PPFIA2: variants seen among roughly 807,000 people sequenced by gnomAD.
The protein encoded by PPFIA2 is PPFI scaffold protein A2.
In PPFIA2, 46 loss-of-function variants were observed where a neutral mutation model predicts 175.5. That is an observed-to-expected ratio of 0.26 (90% CI 0.21 to 0.34). The LOEUF (loss-of-function observed/expected upper bound fraction) is 0.34, where lower values mean the gene tolerates loss of function less well. PPFIA2 is among the 10% of genes least tolerant of loss of function. The probability of loss-of-function intolerance (pLI) is 1.00; values close to 1 mark genes in which losing one functional copy is unlikely to be tolerated. For missense variants in PPFIA2, 1,179 were observed against 1,506.1 expected (o/e 0.78, Z 3.60); for synonymous variants, 568 against 511.4 (o/e 1.11, Z -1.49).
rs376400399 is a variant in PPFIA2 at position 81,384,051 on chromosome 12, T to C, written c.956A>G (p.Asn319Ser). The stretch of plus-strand genomic sequence containing the variant: ...CCTAATGTCCCTTTGATACTTGGTG[T>C]TCATTTCTTCTGTTTTAATGAGATC... ...RKDLIKTEEMNTKYQRDIREA... is the reference protein window; with the variant it reads ...RKDLIKTEEMSTKYQRDIREA... Residue 319 changes from asparagine (N) to serine (S), a missense_variant, in exon 9 of 33, where the codon AAC becomes AGC. By Grantham distance (46) the Asn-to-Ser change is conservative. Around this residue, in one of 10 missense-constraint regions of PPFIA2, gnomAD observed 226 missense variants for 216.6 expected, o/e 1.04. Transcript: ENST00000549396. 1.9e-6 allele frequency: 3 copies of C among 1,612,568 alleles called. No individual in the cohort carries two copies. The highest frequency in any genetic ancestry group is 2.7e-5 in the African/African-American group (2 of 74,978).
intron 4 of PPFIA2, among the ~76,000 whole-genome samples, chr12:81,523,828 C>CA: frequency 6.6e-6 from 1 of 152,202 alleles, no homozygotes. Flanking sequence ...ACCTTGGTCA[C>CA]AGTCTTGCTT....
intron 4 of PPFIA2, among the ~76,000 whole-genome samples, chr12:81,638,739 G>A (rs1284537820): frequency 1.6e-5 from 2 of 126,974 alleles, no homozygotes; most frequent in East Asian, 4.5e-4. Context: ...CCAGGCTGGA[G>A]TGCAGTGGCG....
chr12:81,483,514 C>T (rs531484666), intron 4 of PPFIA2, among the ~76,000 whole-genome samples: 1 of 152,036 alleles, frequency 6.6e-6, no homozygotes, highest in South Asian at 2.1e-4. Flanking sequence ...CTGGTAGTTG[C>T]CAGGGCCTTG....
rs566787127 is a variant in PPFIA2, at chr12:81,718,105, A to G, written c.249+35868T>C. On this transcript the variant is annotated intron_variant, in intron 3 of 32. Coordinates refer to ENST00000549396, the MANE Select transcript of PPFIA2 (RefSeq NM_003625.5). ...TTAGAGAGATCTGGGCATAAAACTAACATCATCCACTACAGAAGGGTGACA... is the reference window on the plus strand; with the variant it reads ...TTAGAGAGATCTGGGCATAAAACTAGCATCATCCACTACAGAAGGGTGACA... 5.3e-5 allele frequency among the ~76,000 whole-genome samples: 8 copies of G among 151,716 alleles called. No homozygotes were observed. The East Asian group carries it at 1.6e-3, about 30-fold the overall frequency.
intron 21 of PPFIA2, among the ~76,000 whole-genome samples, chr12:81,334,867 A>G (rs920329917): frequency 2.0e-5 from 3 of 152,094 alleles, no homozygotes; most frequent in African/African-American, 7.2e-5. Flanking sequence ...AAATCATTTC[A>G]TGTCTGTTTT....
At chr12:81,602,030 T>C (rs894097445) in intron 4 of PPFIA2, among the ~76,000 whole-genome samples, 48 of 151,846 alleles carry the variant, frequency 3.2e-4, no homozygotes, top group African/African-American at 1.1e-3. Flanking sequence ...GTACTATCTT[T>C]CTATATTGTG....
chr12:81,645,460 C>T (rs181015673), intron 4 of PPFIA2, among the ~76,000 whole-genome samples: 2 of 152,108 alleles, frequency 1.3e-5, no homozygotes, highest in Admixed American at 1.3e-4. Context: ...GAATAATATG[C>T]ACCAATACTG....
intron 7 of PPFIA2, among the ~76,000 whole-genome samples, chr12:81,423,485 AT>A (rs1350779454): frequency 6.6e-6 from 1 of 152,160 alleles, no homozygotes; most frequent in Non-Finnish European, 1.5e-5. Flanking sequence ...CATCAGCAAA[AT>A]TTTTTAGAAA....
Position 81,347,639 on chromosome 12 carries a change from G to A in PPFIA2, c.2126C>T (p.Thr709Ile), listed in dbSNP as rs767942808. 6.2e-7 allele frequency: 1 copy of A among 1,613,794 alleles called. No homozygotes were observed. The highest frequency in any genetic ancestry group is 8.5e-7 in the Non-Finnish European group (1 of 1,179,780). ...HPGTSITASV[T>I]ASSLASSSPP... ...AGATGAACTGGCCAGCGATGAAGCTGTAACAGAGGCAGTAATGGAGGTACC... is the reference window on the plus strand; with the variant it reads ...AGATGAACTGGCCAGCGATGAAGCTATAACAGAGGCAGTAATGGAGGTACC... Residue 709 changes from threonine (T) to isoleucine (I), a missense_variant, in exon 18 of 33, where the codon ACA (threonine) becomes ATA (isoleucine). Transcript: ENST00000549396.
At chr12:81,310,666 T>G (rs149867927) in intron 22 of PPFIA2, among the ~76,000 whole-genome samples, 2 of 152,262 alleles carry the variant, frequency 1.3e-5, no homozygotes, top group African/African-American at 4.8e-5. Context: ...ATTTGTTATT[T>G]TCAAAAAGAG....
At chr12:81,355,837 G>A (rs1241971008) in intron 16 of PPFIA2, among the ~76,000 whole-genome samples, 1 of 152,198 alleles carries the variant, frequency 6.6e-6, no homozygotes, top group African/African-American at 2.4e-5. Flanking sequence ...TTAAGGGAAT[G>A]TTGTCCATGC....
intron 4 of PPFIA2, among the ~76,000 whole-genome samples, chr12:81,613,777 A>G (rs986507841): frequency 6.6e-6 from 1 of 152,174 alleles, no homozygotes; most frequent in Non-Finnish European, 1.5e-5. Context: ...TTCAATAACT[A>G]TTTAGGAAAT....
chr12:81,619,113 A>AT (rs1031579226), intron 4 of PPFIA2, among the ~76,000 whole-genome samples: 15 of 152,128 alleles, frequency 9.9e-5, no homozygotes, highest in Admixed American at 7.2e-4. Flanking sequence ...TAGAAACTTG[A>AT]TTTTTTTTGT....
chr12:81,598,401 T>C (rs1045511285), intron 4 of PPFIA2: 4 of 1,046,936 alleles, frequency 3.8e-6, no homozygotes, highest in Admixed American at 5.2e-5. Flanking sequence ...CACCACAGTC[T>C]AGCAGAGTGA....
intron 15 of PPFIA2, among the ~76,000 whole-genome samples, chr12:81,362,159 C>T (rs1309322844): frequency 1.3e-5 from 2 of 148,540 alleles, no homozygotes; most frequent in East Asian, 2.0e-4. Context: ...GTTTTCTTTT[C>T]TTTTATCTGA....
chr12:81,408,023 C>T (rs2043235624), intron 7 of PPFIA2, among the ~76,000 whole-genome samples: 1 of 152,014 alleles, frequency 6.6e-6, no homozygotes, highest in African/African-American at 2.4e-5. Context: ...AGGGTATTCA[C>T]TAAAAATGTG....
At chr12:81,384,587 T>C (rs1431449420) in intron 8 of PPFIA2, among the ~76,000 whole-genome samples, 1 of 151,938 alleles carries the variant, frequency 6.6e-6, no homozygotes, top group African/African-American at 2.4e-5. Context: ...ATTATTAATT[T>C]ACAATGCTAT....
At chr12:81,501,351 A>G (rs2060577457) in intron 4 of PPFIA2, among the ~76,000 whole-genome samples, 1 of 152,012 alleles carries the variant, frequency 6.6e-6, no homozygotes, top group Non-Finnish European at 1.5e-5. Flanking sequence ...GCATTCTCTG[A>G]TCTCCTTATT....
chr12:81,708,873 G>A (rs562140264), intron 3 of PPFIA2, among the ~76,000 whole-genome samples: 11 of 152,228 alleles, frequency 7.2e-5, no homozygotes, highest in Admixed American at 6.5e-4. Flanking sequence ...TGTTAGGGAA[G>A]ACAAAACAGT....
Sources: allele counts gnomAD v4.1 joint callset (sites outside exome capture counted in the v4.1 genomes callset), GRCh38; gene constraint gnomAD v4.1.1; regional missense constraint gnomAD v4.1.1; transcripts MANE v1.5; gene names NCBI Gene and HGNC (gene_info 2026-07-23, HGNC 2026-07-21).